EZH1: variants seen among roughly 807,000 people sequenced by gnomAD.
The protein encoded by EZH1 is histone-lysine N-methyltransferase EZH1.
In EZH1, 33 loss-of-function variants were observed where a neutral mutation model predicts 100.5. The observed-to-expected ratio is 0.33, with a 90% CI of 0.25 to 0.44. The LOEUF (loss-of-function observed/expected upper bound fraction) is 0.44, where lower values mean the gene tolerates loss of function less well. Ranked by LOEUF, EZH1 falls within the 20% of genes least tolerant of loss-of-function variation. The probability of loss-of-function intolerance (pLI) is 1.00; values close to 1 mark genes in which losing one functional copy is unlikely to be tolerated. For missense variants in EZH1, 475 were observed against 928.4 expected (o/e 0.51, Z 6.35); for synonymous variants, 272 against 313.8 (o/e 0.87, Z 1.41).
At chr17:42,716,313 T>C (rs1049493860) in intron 10 of EZH1, among the ~76,000 whole-genome samples, 4 of 152,132 alleles carry the variant, frequency 2.6e-5, no homozygotes, top group Non-Finnish European at 5.9e-5. Flanking sequence ...TGCAACTTAT[T>C]GTCAAATGGT....
Position 42,702,520 on chromosome 17 carries a change from G to A in EZH1, c.*12C>T. The A allele has an allele frequency of 6.4e-7, 1 of 1,553,824 alleles. No individual in the cohort carries two copies. The highest frequency in any genetic ancestry group is 8.7e-7 in the Non-Finnish European group (1 of 1,146,232). Reference sequence around the variant, plus strand: ...GCCGCTACCATAAGTGCTGCCGTGGGGCCTGGGAGGGCTAAAGGACGTCGG... The same window carrying A: ...GCCGCTACCATAAGTGCTGCCGTGGAGCCTGGGAGGGCTAAAGGACGTCGG... On this transcript the variant is annotated 3_prime_UTR_variant, in exon 21 of 21. Transcript: ENST00000428826.
In EZH1 at chr17:42,724,401, C is replaced by T. The variant is rs373879093; in HGVS notation, c.270G>A (p.Pro90=). 1.1e-5 allele frequency: 18 copies of T among 1,613,754 alleles called. No individual in the cohort carries two copies. Among genetic ancestry groups the T allele is most frequent in the African/African-American group, 1.3e-5 (1 of 74,898 alleles). The change falls in exon 5 of 21, where the codon CCG becomes CCA. Residue 90 remains proline, a synonymous_variant. Coordinates refer to ENST00000428826, the MANE Select transcript of EZH1 (RefSeq NM_001991.5). The stretch of plus-strand genomic sequence containing the variant: ...TTAACATATGTTGGCTTGCAAATCC[C>T]GGGAAAATGCTCTCTATGGTACACT... The part of the protein sequence containing the change: ...LKKCTIESIF[P]GFASQHMLMR...
At chr17:42,710,837 G>A (rs2053466923) in intron 12 of EZH1, among the ~76,000 whole-genome samples, 1 of 133,548 alleles carries the variant, frequency 7.5e-6, no homozygotes, top group African/African-American at 2.9e-5. Flanking sequence ...TGCCCACACT[G>A]GTCCTGAAAT....
intron 10 of EZH1, among the ~76,000 whole-genome samples, chr17:42,716,555 G>A (rs2053607969): frequency 6.6e-6 from 1 of 152,144 alleles, no homozygotes. Flanking sequence ...TACATTTCAG[G>A]CATTGGCAGC....
At chr17:42,740,189 G>A (rs1428339650) in intron 1 of EZH1, among the ~76,000 whole-genome samples, 4 of 151,420 alleles carry the variant, frequency 2.6e-5, no homozygotes, top group South Asian at 4.2e-4. Context: ...CTGGGACTAC[G>A]GGCACATGCC....
chr17:42,704,506 C>T, intron 18 of EZH1, 96 bp downstream of exon 18: 1 of 946,358 alleles, frequency 1.1e-6, no homozygotes, highest in Non-Finnish European at 1.6e-6. Context: ...CAAGATCGCA[C>T]CATTGCACCC....
intron 10 of EZH1, among the ~76,000 whole-genome samples, chr17:42,715,776 G>A (rs1300641254): frequency 3.3e-5 from 5 of 152,098 alleles, no homozygotes; most frequent in Admixed American, 6.6e-5. Flanking sequence ...AAGGCCGGGC[G>A]CCTTATTACA....
chr17:42,733,803 T>C lies in EZH1; in HGVS notation c.-102-2885A>G, dbSNP rs554529810. Among the ~76,000 whole-genome samples the C allele has an allele frequency of 5.9e-5, 9 of 151,514 alleles. No individual in the cohort carries two copies. The South Asian group carries it at 1.0e-3, about 18-fold the overall frequency. On this transcript the variant is annotated intron_variant, in intron 1 of 20. Coordinates refer to ENST00000428826, the MANE Select transcript of EZH1 (RefSeq NM_001991.5). ...AAAAATACAAAAAATTAGCTAGGCA[T>C]GGTGGCGGGTGCCTGTATTCCCAGT...
chr17:42,708,290 G>C, intron 14 of EZH1: 1 of 522,628 alleles, frequency 1.9e-6, no homozygotes, highest in East Asian at 3.4e-5. Context: ...GTGTGGAGAT[G>C]GTCTGGGACA....
At position 42,718,166 on chromosome 17, in the gene EZH1, C is replaced by T. The variant is rs1369206208; in HGVS notation, c.932-99G>A. 1.3e-5 allele frequency: 14 copies of T among 1,092,042 alleles called. No individual in the cohort carries two copies. Among genetic ancestry groups the T allele is most frequent in the Middle Eastern group, 2.0e-4 (1 of 4,940 alleles). 67.6% of individuals were successfully genotyped at this position (1,092,042 alleles called of 1,614,324 possible). A position where few individuals can be genotyped will look rare whatever the true frequency, so the allele number is the denominator to read the frequency against. On this transcript the variant is annotated intron_variant, in intron 9 of 20. Transcript: ENST00000428826. The surrounding 1 kb of genome is among the most constrained non-coding windows in gnomAD (Gnocchi z 4.2). ...GAGAGCTATTGTAGGAGTTAGAATT[C>T]GATATAAACGGCTACCATCAGGGTG...
chr17:42,728,421 G>A (rs1341371046), intron 3 of EZH1, among the ~76,000 whole-genome samples: 1 of 147,326 alleles, frequency 6.8e-6, no homozygotes, highest in Non-Finnish European at 1.5e-5. Flanking sequence ...GCCCTGTTAC[G>A]ATTTCAAAAC....
chr17:42,705,942 C>A, intron 16 of EZH1, 65 bp downstream of exon 16: 1 of 1,454,436 alleles, frequency 6.9e-7, no homozygotes, highest in Non-Finnish European at 9.2e-7. Flanking sequence ...AAAGAGAATG[C>A]TTGGGACCGT....
chr17:42,739,659 A>G (rs2054138772), intron 1 of EZH1, among the ~76,000 whole-genome samples: 1 of 152,050 alleles, frequency 6.6e-6, no homozygotes, highest in South Asian at 2.1e-4. Flanking sequence ...CCCAGGAGGC[A>G]GAGGTTGCAA....
intron 14 of EZH1, 40 bp from the exon 15 acceptor site, chr17:42,708,123 CT>C (rs760305155): frequency 3.7e-5 from 57 of 1,554,576 alleles, no homozygotes; most frequent in Non-Finnish European, 4.5e-5. Flanking sequence ...TGTGACCATA[CT>C]CTCCAGCTGT....
At chr17:42,712,973 G>A (rs1007275745) in intron 11 of EZH1, among the ~76,000 whole-genome samples, 6 of 144,230 alleles carry the variant, frequency 4.2e-5, no homozygotes, top group African/African-American at 1.5e-4. Flanking sequence ...GGGAGGTGGA[G>A]GTTGCAGTGA....
chr17:42,741,680 T>C (rs1159198228), intron 1 of EZH1, among the ~76,000 whole-genome samples: 1 of 152,098 alleles, frequency 6.6e-6, no homozygotes, highest in East Asian at 1.9e-4. Flanking sequence ...AAAATTAATA[T>C]TTTGAATCGG....
rs1200145415 is a variant in EZH1, at chr17:42,720,306, C to G, written c.631G>C (p.Val211Leu). The change falls in exon 7 of 21, where the codon GTA becomes CTA. Residue 211 changes from valine to leucine, a missense_variant. Val to Leu is a conservative substitution (Grantham distance 32). This residue lies in a region of EZH1 where 180 missense variants were observed against 295.3 expected (regional missense o/e 0.61). Transcript: ENST00000428826. ...GCATGTCGCTTTCTCTTTCTTGTTA[C>G]TGGCAGATCTTCTTTGCTGTCATCC... ...KQDDSKEDLP[V>L]TRKRKRHAIE... The G allele has an allele frequency of 6.2e-7, 1 of 1,613,734 alleles. No individual in the cohort carries two copies. Among genetic ancestry groups the G allele is most frequent in the Admixed American group, 1.7e-5 (1 of 59,896 alleles).
chr17:42,733,157 G>C (rs933606663), intron 1 of EZH1, among the ~76,000 whole-genome samples: 1 of 151,842 alleles, frequency 6.6e-6, no homozygotes, highest in African/African-American at 2.4e-5. Flanking sequence ...GACCAACATG[G>C]AGAAACCCCG....
intron 12 of EZH1, among the ~76,000 whole-genome samples, chr17:42,711,307 C>CT (rs2053476909): frequency 6.6e-6 from 1 of 152,174 alleles, no homozygotes; most frequent in Non-Finnish European, 1.5e-5. Context: ...AACCCCGTCT[C>CT]TATTACAAAT....
Sources: gnomAD v4.1 joint callset for allele counts (sites outside exome capture counted in the v4.1 genomes callset) on GRCh38, gnomAD v4.1.1 for gene constraint, gnomAD v4.1.1 regional missense constraint, Gnocchi (gnomAD v3.1) non-coding constraint, MANE v1.5 for transcripts, NCBI Gene and HGNC (gene_info 2026-07-23, HGNC 2026-07-21) for gene names.